Variants in CSNK1G2 observed in about 807,000 individuals in gnomAD.
CSNK1G2 encodes casein kinase I isoform gamma-2.
A neutral mutation model predicts 48.0 loss-of-function variants in CSNK1G2; 11 were observed. The observed-to-expected ratio is 0.23, with a 90% CI of 0.14 to 0.38. The LOEUF is 0.38. Ranked by LOEUF, CSNK1G2 falls within the 10% of genes least tolerant of loss-of-function variation. CSNK1G2 has a pLI of 1.00. For missense variants in CSNK1G2, 446 were observed against 595.5 expected (o/e 0.75, Z 2.61); for synonymous variants, 337 against 254.1 (o/e 1.33, Z -3.10).
intron 2 of CSNK1G2, among the ~76,000 whole-genome samples, chr19:1,973,992 A>G (rs944011307): frequency 3.9e-5 from 6 of 151,954 alleles, no homozygotes; most frequent in African/African-American, 1.5e-4. Flanking sequence ...GGTTCAAGCA[A>G]TTCTCCTGCC....
chr19:1,966,534 T>C (rs1040804530), intron 1 of CSNK1G2, among the ~76,000 whole-genome samples: 3 of 152,090 alleles, frequency 2.0e-5, no homozygotes, highest in Non-Finnish European at 2.9e-5. Context: ...CTGGGGGTAA[T>C]GAGGACAAAG....
At chr19:1,962,747 G>A (rs1011867095) in intron 1 of CSNK1G2, among the ~76,000 whole-genome samples, 11 of 151,838 alleles carry the variant, frequency 7.2e-5, no homozygotes, top group Non-Finnish European at 1.3e-4. Flanking sequence ...GGACGACTCG[G>A]TGCAGCAGCC....
intron 1 of CSNK1G2, among the ~76,000 whole-genome samples, chr19:1,955,487 G>A (rs1414782966): frequency 1.4e-5 from 2 of 147,496 alleles, no homozygotes; most frequent in Middle Eastern, 6.8e-3. Flanking sequence ...AGGCTGAGGC[G>A]AGGCTCCGCG....
intron 1 of CSNK1G2, among the ~76,000 whole-genome samples, chr19:1,964,725 G>T (rs1442737077): frequency 9.3e-5 from 14 of 150,182 alleles, no homozygotes; most frequent in Admixed American, 5.3e-4. Flanking sequence ...AAAAGTTTTT[G>T]TTTTTTTGTT....
In CSNK1G2 at chr19:1,980,901, G is replaced by A. The variant is rs899307945; in HGVS notation, c.*698G>A. 2 of 152,534 alleles carry A rather than the reference G, an allele frequency of 1.3e-5. No individual in the cohort carries two copies. The highest frequency in any genetic ancestry group is 2.1e-4 in the South Asian group (1 of 4,846). The allele number at this position is 152,534 out of a possible 1,614,324, so 9.4% of individuals were successfully genotyped here. A position where few individuals can be genotyped will look rare whatever the true frequency, so the allele number is the denominator to read the frequency against. On this transcript the variant is annotated 3_prime_UTR_variant, in exon 12 of 12. Coordinates refer to ENST00000255641, the MANE Select transcript of CSNK1G2 (RefSeq NM_001319.7). ...AAGGGGCGGGTGGGCGCTGCCAGGC[G>A]GGTGCTTCTCGACGCACTTGCTCCC...
At chr19:1,975,025 G>T (rs528363023) in intron 2 of CSNK1G2, 1 of 979,792 alleles carries the variant, frequency 1.0e-6, no homozygotes, top group South Asian at 4.7e-5. Flanking sequence ...CTCAGATGCT[G>T]CCACACCCAC....
chr19:1,952,281 T>G (rs11084921), intron 1 of CSNK1G2, among the ~76,000 whole-genome samples: 8 of 151,572 alleles, frequency 5.3e-5, no homozygotes, highest in African/African-American at 1.7e-4. Flanking sequence ...TGAGCACTGA[T>G]GATGCCCGAG....
intron 1 of CSNK1G2, among the ~76,000 whole-genome samples, chr19:1,960,529 C>A (rs1363796966): frequency 6.6e-6 from 1 of 152,202 alleles, no homozygotes; most frequent in African/African-American, 2.4e-5. Context: ...CGTGTGCCTG[C>A]GCCTGGGGTC....
At chr19:1,971,914 C>T (rs1184043320) in intron 2 of CSNK1G2, among the ~76,000 whole-genome samples, 2 of 152,056 alleles carry the variant, frequency 1.3e-5, no homozygotes, top group Admixed American at 6.6e-5. Context: ...GGACTACAGG[C>T]GCCCGCCACC....
At chr19:1,975,782 T>C in intron 2 of CSNK1G2, 1 of 984,936 alleles carries the variant, frequency 1.0e-6, no homozygotes, top group Non-Finnish European at 1.2e-6. Context: ...ACGCCTGTAA[T>C]CCCAACACTT....
chr19:1,976,106 G>A (rs577735804), intron 2 of CSNK1G2: 5 of 1,289,510 alleles, frequency 3.9e-6, no homozygotes, highest in East Asian at 5.5e-5. Flanking sequence ...AGGATGGACC[G>A]TGTGGCAGGT....
At chr19:1,969,997 T>G (rs775447855) in intron 2 of CSNK1G2, 38 bp downstream of exon 2, 2 of 1,293,590 alleles carry the variant, frequency 1.5e-6, no homozygotes, top group South Asian at 3.2e-5. Context: ...GTCGGGAGGC[T>G]GCTGGCAGGG....
intron 2 of CSNK1G2, chr19:1,975,600 G>A (rs2015725789): frequency 1.0e-6 from 1 of 985,430 alleles, no homozygotes; most frequent in Non-Finnish European, 1.2e-6. Flanking sequence ...CGGGGAAGGG[G>A]GGATGAATCC....
rs536955743 is a variant in CSNK1G2 at position 1,969,367 on chromosome 19, G to A, written c.-265-141G>A. The A allele has an allele frequency of 2.3e-4, 36 of 157,018 alleles. 1 individual carries two copies. In the South Asian group the frequency reaches 6.4e-3, roughly 28 times the overall value. 9.7% of individuals were successfully genotyped at this position (157,018 alleles called of 1,614,324 possible). A position where few individuals can be genotyped will look rare whatever the true frequency, so the allele number is the denominator to read the frequency against. On this transcript the variant is annotated intron_variant, in intron 1 of 11. Coordinates refer to ENST00000255641, the MANE Select transcript of CSNK1G2 (RefSeq NM_001319.7). The stretch of plus-strand genomic sequence containing the variant: ...TCCCAGCTGGGTTCCGGGCAGGGAC[G>A]GTGCTCATCATGCCCCGGCCTTCAG...
chr19:1,953,726 C>T (rs1390261282), intron 1 of CSNK1G2: 4 of 394,566 alleles, frequency 1.0e-5, no homozygotes, highest in African/African-American at 6.3e-5. Flanking sequence ...TCCCCCACAT[C>T]CCCCCAACAG....
At chr19:1,950,289 G>A (rs891783490) in intron 1 of CSNK1G2, among the ~76,000 whole-genome samples, 29 of 151,230 alleles carry the variant, frequency 1.9e-4, no homozygotes, top group Admixed American at 3.3e-4. Context: ...ACAGGCACCC[G>A]CCACCACACC....
chr19:1,978,610 C>T lies in CSNK1G2; in HGVS notation c.307C>T (p.Pro103Ser). 1.9e-6 allele frequency: 3 copies of T among 1,597,926 alleles called. No homozygotes were observed. The highest frequency in any genetic ancestry group is 1.1e-5 in the South Asian group (1 of 89,022). The change falls in exon 5 of 12, where the codon CCT (proline) becomes TCT (serine). Residue 103 changes from proline (P) to serine (S), a missense_variant. Physicochemically the swap from Pro to Ser is moderately conservative, Grantham distance 74. Coordinates refer to ENST00000255641, the MANE Select transcript of CSNK1G2 (RefSeq NM_001319.7). This position sits in a 1 kb window ranked among gnomAD's most constrained non-coding sequence, Gnocchi z 7.3. ...YKQLSATEGV[P>S]QVYYFGPCGK... ...TCTGTCCTCCGCCGCAGAGGGCGTC[C>T]CTCAGGTCTACTACTTCGGTCCGTG...
At chr19:1,970,586 C>G (rs1048955043) in intron 2 of CSNK1G2, among the ~76,000 whole-genome samples, 1 of 152,206 alleles carries the variant, frequency 6.6e-6, no homozygotes, top group African/African-American at 2.4e-5. Flanking sequence ...GTGGGGGTGC[C>G]TGAAGATGAC....
rs559476207 is a variant in CSNK1G2 at position 1,977,121 on chromosome 19, G to C, written c.188-1184G>C. Among the ~76,000 whole-genome samples the C allele has an allele frequency of 7.9e-5, 12 of 152,356 alleles. No homozygotes were observed. In the South Asian group the frequency reaches 2.1e-3, roughly 26 times the overall value. On this transcript the variant is annotated intron_variant, in intron 2 of 11. Transcript: ENST00000255641. Reference sequence around the variant, plus strand: ...CAACACGGTGACCCAGCTGGATGGTGCCTGAGAGACGGGGCTGCCCCACAT... The same window carrying C: ...CAACACGGTGACCCAGCTGGATGGTCCCTGAGAGACGGGGCTGCCCCACAT...
Sources: allele counts gnomAD v4.1 joint callset (sites outside exome capture counted in the v4.1 genomes callset), GRCh38; gene constraint gnomAD v4.1.1; non-coding constraint Gnocchi (gnomAD v3.1); transcripts MANE v1.5; gene names NCBI Gene and HGNC (gene_info 2026-07-23, HGNC 2026-07-21).